Variants in ASL observed in about 807,000 individuals in gnomAD.
ASL encodes argininosuccinate lyase.
ASL carries 51 observed loss-of-function variants against 69.1 expected under a neutral mutation model. The observed-to-expected ratio is 0.74, with a 90% CI of 0.59 to 0.93. The LOEUF (loss-of-function observed/expected upper bound fraction) is 0.93, where lower values mean the gene tolerates loss of function less well. Among genes scored for constraint, ASL ranks in the 40% least tolerant of loss-of-function variants. ASL has a pLI of 0.00. For missense variants in ASL, 540 were observed against 623.9 expected, an observed-to-expected ratio of 0.87 and a Z score of 1.43; for synonymous variants, 241 against 247.6, an observed-to-expected ratio of 0.97 and a Z score of 0.25.
chr7:66,082,036 C>T, intron 3 of ASL, 39 bp downstream of exon 3: 1 of 1,566,762 alleles, frequency 6.4e-7, no homozygotes, highest in Non-Finnish European at 8.7e-7. Context: ...AGGCCCCTTC[C>T]CTGTGGCCCC....
At chr7:66,077,271 G>T (rs1205525229) in intron 2 of ASL, among the ~76,000 whole-genome samples, 1 of 151,996 alleles carries the variant, frequency 6.6e-6, no homozygotes, top group African/African-American at 2.4e-5. Flanking sequence ...TCTACAAAAA[G>T]ATTTTGAAAA....
chr7:66,092,329 C>G (rs1786871450), intron 15 of ASL, among the ~76,000 whole-genome samples: 1 of 151,942 alleles, frequency 6.6e-6, no homozygotes, highest in Admixed American at 6.6e-5. Flanking sequence ...TGGTGGCACA[C>G]TCCTGTAATC....
rs111407265 is a variant in ASL, at chr7:66,086,775, C to A, written c.556C>A (p.Arg186=). 8.9e-4 allele frequency: 1,421 copies of A among 1,599,348 alleles called. 14 individuals carry two copies. In the African/African-American group the frequency reaches 0.013, roughly 15 times the overall value. ...CGTGGCACTGACCCGAGACTCTGAGCGGCTGCTGGAGGTGCGGAAGCGGAT... is the reference window on the plus strand; with the variant it reads ...CGTGGCACTGACCCGAGACTCTGAGAGGCTGCTGGAGGTGCGGAAGCGGAT... ...HAVALTRDSE[R]LLEVRKRINV... Residue 186 remains arginine (R), a synonymous_variant, in exon 8 of 17, where the codon CGG becomes AGG. Coordinates refer to ENST00000304874, the MANE Select transcript of ASL (RefSeq NM_000048.4).
In ASL at chr7:66,093,187, C is replaced by T. The variant is rs1005646406; in HGVS notation, c.*275C>T. 9 of 533,252 alleles carry T rather than the reference C, an allele frequency of 1.7e-5. No homozygotes were observed. The highest frequency in any genetic ancestry group is 3.4e-6 in the Non-Finnish European group (1 of 295,486). 33.0% of individuals were successfully genotyped at this position (533,252 alleles called of 1,614,324 possible). On this transcript the variant is annotated 3_prime_UTR_variant, in exon 17 of 17. Transcript: ENST00000304874. ...AAACAAATAGCCTGGCGTGGTGGCC[C>T]ATGCATATAGTCCCAGCTACTTGTA...
rs374259737 is a variant in ASL at position 66,087,723 on chromosome 7, C to A, written c.656-6C>A. The A allele has an allele frequency of 3.1e-6, 5 of 1,614,096 alleles. No homozygotes were observed. The African/African-American group carries it at 4.0e-5, about 13-fold the overall frequency. On this transcript the variant is annotated splice_region_variant and splice_polypyrimidine_tract_variant and intron_variant, in intron 9 of 16. Coordinates refer to ENST00000304874, the MANE Select transcript of ASL (RefSeq NM_000048.4). The stretch of plus-strand genomic sequence containing the variant: ...AGCTTAGCCCTGCTTCCTCCCACCC[C>A]CCCAGAACTCAACTTTGGGGCCATC...
intron 13 of ASL, 73 bp from the exon 14 acceptor site, chr7:66,089,539 G>T: frequency 3.2e-6 from 5 of 1,546,600 alleles, no homozygotes; most frequent in South Asian, 2.3e-5. Flanking sequence ...TGCCTCAGTG[G>T]GGGGGTGGGG....
chr7:66,092,084 G>C lies in ASL; in HGVS notation c.1141G>C (p.Gly381Arg), dbSNP rs1301059768. The change falls in exon 15 of 17, where the codon GGG (glycine) becomes CGG (arginine). Residue 381 changes from glycine (G) to arginine (R), a missense_variant and splice_region_variant. Coordinates refer to ENST00000304874, the MANE Select transcript of ASL (RefSeq NM_000048.4). ...CCTTGCCTATTACCTGGTCCGCAAA[G>C]GGGTAAGTGTGTAGCAGCCAGGGGG... ...TDLAYYLVRK[G>R]MPFRQAHEAS... 2 of 1,611,600 alleles carry C rather than the reference G, an allele frequency of 1.2e-6. No homozygotes were observed. Among genetic ancestry groups the C allele is most frequent in the African/African-American group, 1.3e-5 (1 of 74,918 alleles).
intron 2 of ASL, among the ~76,000 whole-genome samples, chr7:66,078,165 G>A (rs928077346): frequency 6.6e-6 from 1 of 152,180 alleles, no homozygotes; most frequent in Non-Finnish European, 1.5e-5. Flanking sequence ...CCAGGAGCCC[G>A]CTGGGGGAGG....
chr7:66,076,184 C>G, intron 2 of ASL, 91 bp downstream of exon 2: 4 of 1,508,680 alleles, frequency 2.7e-6, no homozygotes, highest in Non-Finnish European at 3.6e-6. Context: ...TGCTGGGAAT[C>G]GCCCTCCAGG....
chr7:66,082,336 C>A (rs1349748883), intron 3 of ASL, 32 bp from the exon 4 acceptor site: 1 of 1,591,626 alleles, frequency 6.3e-7, no homozygotes, highest in Non-Finnish European at 8.6e-7. Flanking sequence ...TGCCTGCTCA[C>A]CTGACCCCGG....
At chr7:66,087,487 GGTGAAA>G in intron 9 of ASL, 101 bp downstream of exon 9, 1 of 1,421,696 alleles carries the variant, frequency 7.0e-7, no homozygotes, top group Non-Finnish European at 9.7e-7. Context: ...TGTGGCTCCT[GGTGAAA>G]CCTTCATTCA....
At chr7:66,087,932 A>T (rs1302564439) in intron 10 of ASL, 141 bp downstream of exon 10, 6 of 1,112,946 alleles carry the variant, frequency 5.4e-6, no homozygotes, top group Non-Finnish European at 4.0e-6. Flanking sequence ...TTAAATGGGT[A>T]AAGTGGGTGG....
chr7:66,083,077 G>T lies in ASL; in HGVS notation c.349G>T (p.Val117Leu). Reference protein sequence around the residue: ...LHTGRSRNDQVVTDLRLWMRQ... With the variant: ...LHTGRSRNDQLVTDLRLWMRQ... ...TGAGCACCATCTCCTCCTTGCACAG[G>T]TGGTCACAGACCTCAGGCTGTGGAT... The change falls in exon 6 of 17, where the codon GTG (valine) becomes TTG (leucine). Residue 117 changes from valine (V) to leucine (L), a missense_variant and splice_region_variant. Val to Leu is a conservative substitution (Grantham distance 32). Coordinates refer to ENST00000304874, the MANE Select transcript of ASL (RefSeq NM_000048.4). The T allele has an allele frequency of 6.2e-7, 1 of 1,613,872 alleles. No homozygotes were observed. The highest frequency in any genetic ancestry group is 8.5e-7 in the Non-Finnish European group (1 of 1,180,002).
chr7:66,092,128 G>C (rs1489077698), intron 15 of ASL, 42 bp downstream of exon 15: 3 of 1,594,478 alleles, frequency 1.9e-6, no homozygotes, highest in African/African-American at 1.3e-5. Flanking sequence ...GAGATGGGGT[G>C]CCCCCCCCAG....
chr7:66,078,721 A>G (rs1051164248), intron 2 of ASL, among the ~76,000 whole-genome samples: 41 of 149,504 alleles, frequency 2.7e-4, no homozygotes, highest in African/African-American at 9.4e-4. Flanking sequence ...CGCAACCTCT[A>G]CCTCCAGGAT....
In ASL at chr7:66,087,545, A is replaced by T. The variant is rs1434576026; in HGVS notation, c.655+159A>T. On this transcript the variant is annotated intron_variant, in intron 9 of 16. Transcript: ENST00000304874. ...AGGTCATCAAGTTCAGGGGTCACTC[A>T]TGGCAGGGATGCCTGGTACTGAGAG... 5.0e-6 allele frequency: 5 copies of T among 1,003,302 alleles called. No individual in the cohort carries two copies. In the African/African-American group the frequency reaches 8.0e-5, roughly 16 times the overall value. 62.1% of individuals were successfully genotyped at this position (1,003,302 alleles called of 1,614,324 possible).
intron 8 of ASL, 120 bp downstream of exon 8, chr7:66,086,941 GA>G: frequency 8.2e-7 from 1 of 1,214,164 alleles, no homozygotes; most frequent in Non-Finnish European, 1.2e-6. Context: ...CTCAGCGGGG[GA>G]CTCTGCATGG....
At position 66,082,403 on chromosome 7, in the gene ASL, G is replaced by C. The variant is rs774204716; in HGVS notation, c.243G>C (p.Leu81=). ...AGTGGGCCCAGGGCACCTTCAAACT[G>C]AACTCCAATGATGAGGACATCCACA... ...AEEWAQGTFK[L]NSNDEDIHTA... is the part of the protein sequence containing the mutation. The change falls in exon 4 of 17, where the codon CTG becomes CTC. Residue 81 remains leucine, a synonymous_variant. Coordinates refer to ENST00000304874, the MANE Select transcript of ASL (RefSeq NM_000048.4). 24 of 1,612,466 alleles carry C rather than the reference G, an allele frequency of 1.5e-5. No homozygotes were observed. The highest frequency in any genetic ancestry group is 1.7e-4 in the Middle Eastern group (1 of 5,798).
At position 66,082,459 on chromosome 7, in the gene ASL, C is replaced by A. The variant is rs781492633; in HGVS notation, c.291+8C>A. 10 of 1,607,076 alleles carry A rather than the reference C, an allele frequency of 6.2e-6. No homozygotes were observed. The highest frequency in any genetic ancestry group is 8.5e-6 in the Non-Finnish European group (10 of 1,178,198). On this transcript the variant is annotated splice_region_variant and intron_variant, in intron 4 of 16. Transcript: ENST00000304874. The stretch of plus-strand genomic sequence containing the variant: ...AATGAGCGCCGCCTGAAGGTACGAC[C>A]CCTGGAGCCCCACCGCTTTCCTTGC...
Sources: gnomAD v4.1 joint callset for allele counts (sites outside exome capture counted in the v4.1 genomes callset) on GRCh38, gnomAD v4.1.1 for gene constraint, MANE v1.5 for transcripts, NCBI Gene and HGNC (gene_info 2026-07-23, HGNC 2026-07-21) for gene names.